Variants in PTPN11 observed in about 807,000 individuals in gnomAD.
The protein encoded by PTPN11 is protein tyrosine phosphatase non-receptor type 11.
Under a neutral mutation model 78.8 loss-of-function variants are expected in PTPN11, and 6 were observed. That is an observed-to-expected ratio of 0.08 (90% CI 0.04 to 0.15). PTPN11 has a LOEUF of 0.15. PTPN11 is among the 10% of genes least tolerant of loss of function. The pLI is 1.00. For missense variants in PTPN11, 386 were observed against 744.8 expected (o/e 0.52, Z 5.61); for synonymous variants, 221 against 263.5 (o/e 0.84, Z 1.56).
chr12:112,423,510 T>C (rs576408624), intron 1 of PTPN11, among the ~76,000 whole-genome samples: 1 of 152,134 alleles, frequency 6.6e-6, no homozygotes, highest in Non-Finnish European at 1.5e-5. Flanking sequence ...GGTCTTGAAC[T>C]CCTGGCCTCA....
intron 1 of PTPN11, among the ~76,000 whole-genome samples, chr12:112,437,349 G>A (rs2037810408): frequency 6.6e-6 from 1 of 151,710 alleles, no homozygotes; most frequent in Admixed American, 6.6e-5. Context: ...TTTTAGTACA[G>A]ATGGGGTTTT....
chr12:112,432,806 C>T (rs1475490197), intron 1 of PTPN11, among the ~76,000 whole-genome samples: 4 of 151,836 alleles, frequency 2.6e-5, no homozygotes, highest in African/African-American at 9.7e-5. Context: ...ATAGCAAGAC[C>T]CCATCTCAAA....
chr12:112,493,383 A>ATTT (rs60572157), intron 13 of PTPN11, among the ~76,000 whole-genome samples: 3 of 130,622 alleles, frequency 2.3e-5, no homozygotes, highest in Non-Finnish European at 3.3e-5. Flanking sequence ...TTAAGTGTAC[A>ATTT]TTTTTTTTTT....
chr12:112,483,042 A>G (rs2135908089), intron 10 of PTPN11, among the ~76,000 whole-genome samples: 1 of 152,306 alleles, frequency 6.6e-6, no homozygotes, highest in East Asian at 1.9e-4. Flanking sequence ...AAACAGATGG[A>G]ATCCCTGCAC....
chr12:112,430,860 A>G (rs1466806572), intron 1 of PTPN11, among the ~76,000 whole-genome samples: 9 of 152,070 alleles, frequency 5.9e-5, no homozygotes, highest in Admixed American at 3.9e-4. Flanking sequence ...TTTGGCTCAT[A>G]TGCATAGGTG....
intron 12 of PTPN11, 95 bp from the exon 13 acceptor site, chr12:112,488,929 T>C (rs1301614226): frequency 1.3e-6 from 2 of 1,512,142 alleles, no homozygotes; most frequent in African/African-American, 1.4e-5. Context: ...AAGACTAAAT[T>C]AGCATTGTCT....
At chr12:112,436,448 A>G (rs190704790) in intron 1 of PTPN11, among the ~76,000 whole-genome samples, 91 of 152,340 alleles carry the variant, frequency 6.0e-4, no homozygotes, top group Non-Finnish European at 9.7e-4. Flanking sequence ...TAGCTTGCCC[A>G]GGAGATGTGG....
Position 112,440,563 on chromosome 12 carries a change from C to CTTT in PTPN11, c.15-5687_15-5685dup, listed in dbSNP as rs772805515. Among the ~76,000 whole-genome samples the CTTT allele has an allele frequency of 2.4e-3, 217 of 90,708 alleles. 34 individuals carry two copies. Among genetic ancestry groups the CTTT allele is most frequent in the Non-Finnish European group, 4.1e-3 (184 of 45,132 alleles). The allele number at this position is 90,708 out of a possible 152,430, so 59.5% of individuals were successfully genotyped here. On this transcript the variant is annotated intron_variant, in intron 1 of 15. Coordinates refer to ENST00000351677, the MANE Select transcript of PTPN11 (RefSeq NM_002834.5). Reference sequence around the variant, plus strand: ...ACAGGCGTGAGCCACTGTGCCTGGCCTTTTTTTTTTTTTTTTTTTTTTTTT... The same window carrying CTTT: ...ACAGGCGTGAGCCACTGTGCCTGGCCTTTTTTTTTTTTTTTTTTTTTTTTTTTT...
chr12:112,462,271 A>T (rs1339365222), intron 6 of PTPN11, among the ~76,000 whole-genome samples: 2 of 152,124 alleles, frequency 1.3e-5, no homozygotes, highest in Non-Finnish European at 2.9e-5. Flanking sequence ...TGGCGAGAGT[A>T]GGCTTAAGCC....
At chr12:112,471,375 GA>G (rs1221061855) in intron 6 of PTPN11, among the ~76,000 whole-genome samples, 337 of 146,896 alleles carry the variant, frequency 2.3e-3, no homozygotes, top group African/African-American at 6.8e-3. Flanking sequence ...CCTTGAAATT[GA>G]CTTTTTTTTT....
At chr12:112,447,664 T>C (rs924719388) in intron 2 of PTPN11, among the ~76,000 whole-genome samples, 1 of 151,916 alleles carries the variant, frequency 6.6e-6, no homozygotes, top group Non-Finnish European at 1.5e-5. Flanking sequence ...CATGCCCAGC[T>C]AATTTTTGTA....
chr12:112,448,210 CTTTTTTTCTTTTTTT>C (rs1327111785), intron 2 of PTPN11, among the ~76,000 whole-genome samples: 2 of 150,936 alleles, frequency 1.3e-5, no homozygotes, highest in Non-Finnish European at 3.0e-5. Context: ...CATTCTTTTT[CTTTTTTTCTTTTTTT>C]TTTTTGAGAC....
chr12:112,496,728 A>T (rs2038818745), intron 13 of PTPN11, among the ~76,000 whole-genome samples: 1 of 152,214 alleles, frequency 6.6e-6, no homozygotes, highest in South Asian at 2.1e-4. Flanking sequence ...GGTGTAAAGT[A>T]GTTTCAGAAT....
chr12:112,501,515 C>T (rs1461471399), intron 13 of PTPN11, among the ~76,000 whole-genome samples: 1 of 152,124 alleles, frequency 6.6e-6, no homozygotes, highest in African/African-American at 2.4e-5. Context: ...ATCCCAGCTA[C>T]TCAGGAGGCT....
At chr12:112,473,735 T>C (rs1349377457) in intron 7 of PTPN11, among the ~76,000 whole-genome samples, 1 of 151,466 alleles carries the variant, frequency 6.6e-6, no homozygotes, top group Non-Finnish European at 1.5e-5. Context: ...TAATCCCAGC[T>C]ACTCGGGAGG....
rs1052276454 is a variant in PTPN11, at chr12:112,482,954, A to G, written c.1224+749A>G. ...TGAACAGTCATGTGGACATTCATCT[A>G]TTCATTCAGAGATATTTGTTCAATG... On this transcript the variant is annotated intron_variant, in intron 10 of 15. Transcript: ENST00000351677. This position sits in a 1 kb window ranked among gnomAD's most constrained non-coding sequence, Gnocchi z 4.4. Among the ~76,000 whole-genome samples the G allele has an allele frequency of 2.6e-5, 4 of 152,122 alleles. No homozygotes were observed. Among genetic ancestry groups the G allele is most frequent in the African/African-American group, 4.8e-5 (2 of 41,416 alleles).
At position 112,488,439 on chromosome 12, in the gene PTPN11, G is replaced by T. The variant is rs750640531; in HGVS notation, c.1380-4G>T. The T allele has an allele frequency of 5.0e-6, 8 of 1,609,736 alleles. No homozygotes were observed. The Admixed American group carries it at 6.7e-5, about 13-fold the overall frequency. On this transcript the variant is annotated splice_polypyrimidine_tract_variant and splice_region_variant and intron_variant, in intron 11 of 15. Coordinates refer to ENST00000351677, the MANE Select transcript of PTPN11 (RefSeq NM_002834.5). ...GTCCCTGCTTTTTGTCCTTCTGCCC[G>T]CAGTGCTGGAATTGGCCGGACAGGG...
chr12:112,449,039 A>G (rs1043255615), intron 2 of PTPN11, among the ~76,000 whole-genome samples: 14 of 151,648 alleles, frequency 9.2e-5, no homozygotes, highest in African/African-American at 3.1e-4. Context: ...GGTGCCTGCC[A>G]CCACGCCCAG....
At chr12:112,443,733 A>G (rs573958647) in intron 1 of PTPN11, among the ~76,000 whole-genome samples, 2 of 150,660 alleles carry the variant, frequency 1.3e-5, no homozygotes, top group Admixed American at 6.7e-5. Context: ...GCTCACTGCA[A>G]CCTGGACCTC....
Sources: gnomAD v4.1 joint callset for allele counts (sites outside exome capture counted in the v4.1 genomes callset) on GRCh38, gnomAD v4.1.1 for gene constraint, Gnocchi (gnomAD v3.1) non-coding constraint, MANE v1.5 for transcripts, NCBI Gene and HGNC (gene_info 2026-07-23, HGNC 2026-07-21) for gene names.